CLSPN: variants seen among roughly 807,000 people sequenced by gnomAD.
CLSPN encodes claspin.
In CLSPN, 85 loss-of-function variants were observed where a neutral mutation model predicts 156.3. That is an observed-to-expected ratio of 0.54 (90% CI 0.46 to 0.65). The LOEUF is 0.65. Ranked by LOEUF, CLSPN falls within the 30% of genes least tolerant of loss-of-function variation. CLSPN has a pLI of 0.00. For synonymous variants in CLSPN, 534 were observed against 542.4 expected (o/e 0.98, Z 0.22); for missense variants, 1,407 against 1,554.9 (o/e 0.90, Z 1.60).
chr1:35,724,943 C>T (rs1055735850), intron 24 of CLSPN, among the ~76,000 whole-genome samples: 1 of 152,164 alleles, frequency 6.6e-6, no homozygotes. Context: ...TAAAATATGC[C>T]CATTCCCCTA....
At chr1:35,756,505 G>T (rs185290832) in intron 8 of CLSPN, among the ~76,000 whole-genome samples, 4 of 152,220 alleles carry the variant, frequency 2.6e-5, no homozygotes, top group Admixed American at 2.6e-4. Flanking sequence ...CCCTGTTCAA[G>T]TTCCTCTACC....
chr1:35,743,296 A>C, intron 17 of CLSPN, 55 bp from the exon 18 acceptor site: 1 of 1,467,278 alleles, frequency 6.8e-7, no homozygotes, highest in East Asian at 2.3e-5. Flanking sequence ...TCCTCAATGA[A>C]AAAAGGATTT....
Position 35,760,565 on chromosome 1 carries a change from T to C in CLSPN, c.1356A>G (p.Glu452=). 1 of 1,614,190 alleles carries C rather than the reference T, an allele frequency of 6.2e-7. No individual in the cohort carries two copies. The highest frequency in any genetic ancestry group is 1.1e-5 in the South Asian group (1 of 91,086). ...GGCCTTCACCCTCCAGGGCATGAGG[T>C]TCAAATGCTACAAGCCCTCCAACCT... ...ECQVGGLVAF[E]PHALEGEGPQ... The change falls in exon 8 of 25, where the codon GAA becomes GAG. Residue 452 remains glutamate (E), a synonymous_variant. Transcript: ENST00000318121.
intron 10 of CLSPN, among the ~76,000 whole-genome samples, chr1:35,750,099 C>T (rs940264353): frequency 3.3e-5 from 5 of 151,928 alleles, no homozygotes; most frequent in Admixed American, 2.6e-4. Context: ...ATTAATCAGT[C>T]TAAGATTGCA....
chr1:35,734,188 A>G lies in CLSPN; in HGVS notation c.*2308T>C. 1.0e-6 allele frequency: 1 copy of G among 985,408 alleles called. No individual in the cohort carries two copies. The highest frequency in any genetic ancestry group is 1.2e-6 in the Non-Finnish European group (1 of 829,934). The allele number at this position is 985,408 out of a possible 1,614,324, so 61.0% of individuals were successfully genotyped here. A position where few individuals can be genotyped will look rare whatever the true frequency, so the allele number is the denominator to read the frequency against. On this transcript the variant is annotated 3_prime_UTR_variant, in exon 25 of 25. Transcript: ENST00000318121. ...TGGGATGGAGATAACCTGAAAATGA[A>G]ATGCTCCTCAAGGTTAGACAGGCAC...
In CLSPN at chr1:35,733,913, A is replaced by C. The variant is rs1040469937; in HGVS notation, c.*2583T>G. 6 of 785,608 alleles carry C rather than the reference A, an allele frequency of 7.6e-6. No individual in the cohort carries two copies. The African/African-American group carries it at 1.1e-4, about 15-fold the overall frequency. The allele number at this position is 785,608 out of a possible 1,614,324, so 48.7% of individuals were successfully genotyped here. On this transcript the variant is annotated 3_prime_UTR_variant, in exon 25 of 25. Transcript: ENST00000318121. ...GGAGGATGCTGAAGCCCAGGAGTTC[A>C]AGGGTACAGTGAGCTATGATTGTGC...
intron 18 of CLSPN, among the ~76,000 whole-genome samples, chr1:35,742,506 C>T (rs906109858): frequency 9.9e-5 from 15 of 151,930 alleles, no homozygotes; most frequent in African/African-American, 3.6e-4. Flanking sequence ...GCACTACAGG[C>T]GCCCAGAACC....
downstream of CLSPN, among the ~76,000 whole-genome samples, chr1:35,730,475 C>G (rs543789533): frequency 6.7e-6 from 1 of 148,314 alleles, no homozygotes; most frequent in Non-Finnish European, 1.5e-5. Flanking sequence ...GAGGCTGAGG[C>G]AGGAGAATTG....
intron 8 of CLSPN, among the ~76,000 whole-genome samples, chr1:35,759,964 G>T (rs921024134): frequency 6.6e-6 from 1 of 151,426 alleles, no homozygotes; most frequent in Non-Finnish European, 1.5e-5. Context: ...CTCCCGAGTA[G>T]CTAGGACTAC....
At chr1:35,725,935 A>G (rs953474270) in intron 24 of CLSPN, among the ~76,000 whole-genome samples, 1 of 151,988 alleles carries the variant, frequency 6.6e-6, no homozygotes. Flanking sequence ...CACGGCAATC[A>G]TTGCAGTTCA....
chr1:35,725,974 G>C (rs912058773), intron 24 of CLSPN, among the ~76,000 whole-genome samples: 11 of 151,754 alleles, frequency 7.2e-5, no homozygotes, highest in African/African-American at 2.4e-4. Flanking sequence ...GTAATGTTTT[G>C]CCTCAAGCTT....
rs1424594895 is a variant in CLSPN at position 35,752,533 on chromosome 1, G to A, written c.1772-1027C>T. 2.1e-5 allele frequency among the ~76,000 whole-genome samples: 3 copies of A among 145,052 alleles called. No individual in the cohort carries two copies. In the East Asian group the frequency reaches 6.1e-4, roughly 29 times the overall value. On this transcript the variant is annotated intron_variant, in intron 9 of 24. Coordinates refer to ENST00000318121, the MANE Select transcript of CLSPN (RefSeq NM_022111.4). ...GTAGAGGTTGCAGTGAGCTAAGATC[G>A]TGCCATTGCACTCCAGCCAGGGTGA...
chr1:35,751,632 T>C, intron 9 of CLSPN, 126 bp from the exon 10 acceptor site: 1 of 1,264,292 alleles, frequency 7.9e-7, no homozygotes, highest in Non-Finnish European at 1.1e-6. Context: ...TTCTGGGCTT[T>C]TTTGTTATTT....
downstream of CLSPN, among the ~76,000 whole-genome samples, chr1:35,728,171 C>T (rs1641237004): frequency 6.6e-6 from 1 of 151,446 alleles, no homozygotes; most frequent in Non-Finnish European, 1.5e-5. Flanking sequence ...GCAGCCACAA[C>T]CTCCAGGCTC....
intron 15 of CLSPN, among the ~76,000 whole-genome samples, chr1:35,745,948 T>G (rs1322088155): frequency 6.6e-6 from 1 of 152,242 alleles, no homozygotes; most frequent in Non-Finnish European, 1.5e-5. Flanking sequence ...TCTTTTTTTT[T>G]TTCAAGACTT....
In CLSPN at chr1:35,732,545, T is replaced by A. The variant is rs1557495540; in HGVS notation, c.*3951A>T. On this transcript the variant is annotated 3_prime_UTR_variant, in exon 25 of 25. Coordinates refer to ENST00000318121, the MANE Select transcript of CLSPN (RefSeq NM_022111.4). The stretch of plus-strand genomic sequence containing the variant: ...GCTGTGCAACTGTGAATTAATGAGA[T>A]GAAATTAGAGACCTGTTTAAAGAGG... The A allele has an allele frequency of 1.0e-6, 1 of 985,356 alleles. No homozygotes were observed. The highest frequency in any genetic ancestry group is 1.2e-6 in the Non-Finnish European group (1 of 829,898). The allele number at this position is 985,356 out of a possible 1,614,324, so 61.0% of individuals were successfully genotyped here.
At position 35,738,033 on chromosome 1, in the gene CLSPN, A is replaced by G. The variant is rs756429468; in HGVS notation, c.3623T>C (p.Ile1208Thr). 18 of 1,490,710 alleles carry G rather than the reference A, an allele frequency of 1.2e-5. No homozygotes were observed. The highest frequency in any genetic ancestry group is 6.0e-5 in the South Asian group (4 of 67,160). 92.3% of individuals were successfully genotyped at this position (1,490,710 alleles called of 1,614,324 possible). ...TTTGGCTGTAACTTTCTTGGCCAGT[A>G]TCATAAACTGACTGTCCTCCCCAAT... ...EEIGEDSQFMILAKKVTAKAL... is the reference protein window; with the variant it reads ...EEIGEDSQFMTLAKKVTAKAL... The change falls in exon 22 of 25, where the codon ATA (isoleucine) becomes ACA (threonine). Residue 1208 changes from isoleucine (I) to threonine (T), a missense_variant. Physicochemically the swap from Ile to Thr is moderately conservative, Grantham distance 89. This residue lies in a region of CLSPN where 241 missense variants were observed against 240.5 expected (regional missense o/e 1.00). Coordinates refer to ENST00000318121, the MANE Select transcript of CLSPN (RefSeq NM_022111.4).
At chr1:35,728,019 G>A (rs1172374268), downstream of CLSPN, among the ~76,000 whole-genome samples, 1 of 151,100 alleles carries the variant, frequency 6.6e-6, no homozygotes, top group Non-Finnish European at 1.5e-5. Context: ...TGCCTCAATA[G>A]CCTCCTGCTT....
intron 1 of CLSPN, among the ~76,000 whole-genome samples, chr1:35,769,306 A>ACCAG (rs965414279): frequency 3.9e-5 from 6 of 152,192 alleles, no homozygotes; most frequent in African/African-American, 1.4e-4. Context: ...GCTGCCAGCC[A>ACCAG]CCAGCCAGGA....
Sources: allele counts gnomAD v4.1 joint callset (sites outside exome capture counted in the v4.1 genomes callset), GRCh38; gene constraint gnomAD v4.1.1; regional missense constraint gnomAD v4.1.1; transcripts MANE v1.5; gene names NCBI Gene and HGNC (gene_info 2026-07-23, HGNC 2026-07-21).